CCSER1: variants seen among roughly 807,000 people sequenced by gnomAD.
CCSER1 encodes the protein serine-rich coiled-coil domain-containing protein 1.
A neutral mutation model predicts 82.0 loss-of-function variants in CCSER1; 41 were observed. The observed-to-expected ratio is 0.50, with a 90% CI of 0.39 to 0.65. The LOEUF (loss-of-function observed/expected upper bound fraction) is 0.65, where lower values mean the gene tolerates loss of function less well. CCSER1 is among the 30% of genes least tolerant of loss of function. The pLI, the probability that CCSER1 is intolerant of heterozygous loss-of-function variation, is 0.00. For missense variants in CCSER1, 1,119 were observed against 1,064.2 expected (o/e 1.05, Z -0.72); for synonymous variants, 414 against 383.9 (o/e 1.08, Z -0.92).
intron 3 of CCSER1, among the ~76,000 whole-genome samples, chr4:90,361,661 C>T (rs931269898): frequency 6.6e-6 from 1 of 152,196 alleles, no homozygotes; most frequent in African/African-American, 2.4e-5. Context: ...CTTTGCCTCT[C>T]GTCTAGCAGT....
At chr4:90,804,172 C>T (rs955400102) in intron 7 of CCSER1, among the ~76,000 whole-genome samples, 2 of 152,128 alleles carry the variant, frequency 1.3e-5, no homozygotes, top group South Asian at 2.1e-4. Context: ...TGCCTGTTCA[C>T]TCTGATGATA....
At chr4:91,567,333 G>A (rs1019943592) in intron 10 of CCSER1, among the ~76,000 whole-genome samples, 1 of 152,088 alleles carries the variant, frequency 6.6e-6, no homozygotes, top group African/African-American at 2.4e-5. Context: ...TGTGCCATGT[G>A]GTGATGAGAA....
At chr4:91,540,791 C>T (rs6835281) in intron 10 of CCSER1, among the ~76,000 whole-genome samples, 6,481 of 152,102 alleles carry the variant, frequency 0.043, 288 homozygotes, top group African/African-American at 0.11. Context: ...AGCACCATTC[C>T]TTGAAAAGTC....
chr4:91,519,188 A>G (rs1016311178), intron 10 of CCSER1, among the ~76,000 whole-genome samples: 2 of 152,178 alleles, frequency 1.3e-5, no homozygotes, highest in Non-Finnish European at 2.9e-5. Flanking sequence ...AGGGACCTGT[A>G]TGGAGAACAG....
At chr4:90,911,427 G>T in intron 8 of CCSER1, 1 of 412,950 alleles carries the variant, frequency 2.4e-6, no homozygotes, top group South Asian at 1.8e-5. Flanking sequence ...TTTGGCCTTG[G>T]CATCATTAAG....
chr4:90,684,652 C>T (rs1008099859), intron 6 of CCSER1, among the ~76,000 whole-genome samples: 5 of 152,002 alleles, frequency 3.3e-5, no homozygotes, highest in African/African-American at 9.7e-5. Flanking sequence ...GAGTAATAAG[C>T]ATATGGTTGT....
chr4:90,742,439 T>C (rs1293364382), intron 7 of CCSER1, among the ~76,000 whole-genome samples: 4 of 152,146 alleles, frequency 2.6e-5, no homozygotes, highest in East Asian at 1.9e-4. Context: ...TATGATTAGG[T>C]CCTCAGTATA....
chr4:91,242,960 A>C (rs934228436), intron 10 of CCSER1, among the ~76,000 whole-genome samples: 1 of 152,192 alleles, frequency 6.6e-6, no homozygotes, highest in African/African-American at 2.4e-5. Flanking sequence ...TCAGATAACC[A>C]ATCACAGTAC....
chr4:90,985,283 C>T (rs1405135378), intron 9 of CCSER1, among the ~76,000 whole-genome samples: 1 of 151,272 alleles, frequency 6.6e-6, no homozygotes, highest in Admixed American at 6.6e-5. Context: ...TTTTATTCTT[C>T]TTTCTTACCT....
chr4:91,554,695 A>C (rs1560759748), intron 10 of CCSER1, among the ~76,000 whole-genome samples: 1 of 151,250 alleles, frequency 6.6e-6, no homozygotes, highest in Non-Finnish European at 1.5e-5. Context: ...AATGCAAAAA[A>C]ATCCTAAATT....
At chr4:90,368,609 G>A (rs1261330300) in intron 3 of CCSER1, among the ~76,000 whole-genome samples, 5 of 151,870 alleles carry the variant, frequency 3.3e-5, no homozygotes, top group African/African-American at 1.2e-4. Flanking sequence ...TTCAGCCTGG[G>A]TGACAGAGTG....
intron 10 of CCSER1, among the ~76,000 whole-genome samples, chr4:91,264,134 G>C (rs1581866734): frequency 1.2e-5 from 1 of 82,338 alleles, no homozygotes; most frequent in South Asian, 5.3e-4. Context: ...GGAAGAGACT[G>C]TTGTAATTTT....
intron 5 of CCSER1, among the ~76,000 whole-genome samples, chr4:90,581,214 A>G (rs1781383054): frequency 6.6e-6 from 1 of 152,132 alleles, no homozygotes; most frequent in Non-Finnish European, 1.5e-5. Flanking sequence ...ATTAGCAATT[A>G]TTACAATACT....
At chr4:91,367,193 T>A (rs1419340013) in intron 10 of CCSER1, among the ~76,000 whole-genome samples, 4 of 149,312 alleles carry the variant, frequency 2.7e-5, no homozygotes, top group Admixed American at 6.7e-5. Context: ...GGATTGAACC[T>A]GTAGTCGAAG....
At chr4:90,777,113 T>C (rs1753003460) in intron 7 of CCSER1, among the ~76,000 whole-genome samples, 1 of 152,060 alleles carries the variant, frequency 6.6e-6, no homozygotes, top group African/African-American at 2.4e-5. Context: ...CCCAGCACTT[T>C]GGGAGGTTGA....
chr4:90,482,715 G>T (rs561644478), intron 5 of CCSER1, among the ~76,000 whole-genome samples: 4 of 152,292 alleles, frequency 2.6e-5, no homozygotes, highest in South Asian at 4.1e-4. Flanking sequence ...GTTCTAGTTT[G>T]ATTGCACTGT....
intron 4 of CCSER1, among the ~76,000 whole-genome samples, chr4:90,459,317 G>A (rs1029094997): frequency 5.9e-5 from 9 of 152,262 alleles, no homozygotes; most frequent in Admixed American, 2.0e-4. Context: ...TAGCAATGTA[G>A]ATTCAGCCAT....
chr4:90,232,091 C>A (rs536091003), intron 1 of CCSER1, among the ~76,000 whole-genome samples: 13 of 152,262 alleles, frequency 8.5e-5, no homozygotes, highest in South Asian at 2.1e-4. Context: ...CAAGCTACCA[C>A]TGACTTTCTT....
At chr4:90,255,337 G>A (rs1464252542) in intron 1 of CCSER1, among the ~76,000 whole-genome samples, 1 of 151,946 alleles carries the variant, frequency 6.6e-6, no homozygotes, top group Non-Finnish European at 1.5e-5. Flanking sequence ...GGTGACCAGG[G>A]AATCTGCGCA....
Sources: allele counts gnomAD v4.1 joint callset (sites outside exome capture counted in the v4.1 genomes callset), GRCh38; gene constraint gnomAD v4.1.1; transcripts MANE v1.5; gene names NCBI Gene and HGNC (gene_info 2026-07-23, HGNC 2026-07-21).